The following MCU variants were observed in gnomAD, a reference collection of about 807,000 sequenced individuals.
MCU encodes calcium uniporter protein, mitochondrial.
Under a neutral mutation model 45.2 loss-of-function variants are expected in MCU, and 12 were observed. The observed-to-expected ratio is 0.27, with a 90% CI of 0.17 to 0.43. MCU has a LOEUF of 0.43. MCU is among the 20% of genes least tolerant of loss of function. The pLI is 1.00. For synonymous variants in MCU, 160 were observed against 165.1 expected (o/e 0.97, Z 0.24); for missense variants, 324 against 436.7 (o/e 0.74, Z 2.30).
At chr10:72,734,648 C>CT (rs1843226739) in intron 1 of MCU, among the ~76,000 whole-genome samples, 1 of 152,146 alleles carries the variant, frequency 6.6e-6, no homozygotes, top group Non-Finnish European at 1.5e-5. Flanking sequence ...CAGGGTCACT[C>CT]TGTCACCCAG....
At chr10:72,765,880 T>C (rs1843719589) in intron 1 of MCU, among the ~76,000 whole-genome samples, 1 of 152,094 alleles carries the variant, frequency 6.6e-6, no homozygotes, top group African/African-American at 2.4e-5. Flanking sequence ...TTTCTTTTTT[T>C]TGAGTCAGAA....
intron 1 of MCU, among the ~76,000 whole-genome samples, chr10:72,797,444 T>G (rs2132773728): frequency 6.6e-6 from 1 of 151,874 alleles, no homozygotes; most frequent in Non-Finnish European, 1.5e-5. Context: ...CAGACTGGTC[T>G]CGAACTCCTG....
intron 1 of MCU, among the ~76,000 whole-genome samples, chr10:72,805,219 CCT>C (rs1427185081): frequency 5.9e-4 from 83 of 140,982 alleles, no homozygotes; most frequent in African/African-American, 2.3e-3. Flanking sequence ...CCTTTCCTTT[CCT>C]TTCCTTTTTC....
rs766035793 is a variant in MCU at position 72,859,314 on chromosome 10, C to A, written c.358C>A (p.Arg120=). ...TTTACGACAACTGCAAGAAGAGGAT[C>A]GGGGAATTGACAGAGTTGCTATCTA... ...VFLRQLQEED[R]GIDRVAIYSP... The change falls in exon 3 of 8, where the codon CGG becomes AGG. Residue 120 remains arginine, a synonymous_variant. Coordinates refer to ENST00000373053, the MANE Select transcript of MCU (RefSeq NM_138357.3). The A allele has an allele frequency of 3.1e-6, 5 of 1,613,340 alleles. No individual in the cohort carries two copies. The highest frequency in any genetic ancestry group is 4.2e-6 in the Non-Finnish European group (5 of 1,179,716).
At chr10:72,751,341 CTTTTTTTTTTTTTT>C (rs71021528) in intron 1 of MCU, among the ~76,000 whole-genome samples, 8 of 44,752 alleles carry the variant, frequency 1.8e-4, no homozygotes, top group East Asian at 5.8e-4. Flanking sequence ...TCTTCTTCTT[CTTTTTTTTTTTTTT>C]TTTTTTTTTT....
At position 72,864,430 on chromosome 10, in the gene MCU, G is replaced by A. The variant is rs536483036; in HGVS notation, c.496+3903G>A. ...CCGTAGACTGAGGTCTGCAGCTACA[G>A]TTGCCCATCATTTTAGACAGATGAT... On this transcript the variant is annotated intron_variant, in intron 4 of 7. Transcript: ENST00000373053. 3.3e-4 allele frequency among the ~76,000 whole-genome samples: 51 copies of A among 152,326 alleles called. No homozygotes were observed. The South Asian group carries it at 9.7e-3, about 29-fold the overall frequency.
intron 1 of MCU, among the ~76,000 whole-genome samples, chr10:72,761,557 T>C (rs943183169): frequency 6.6e-6 from 1 of 152,208 alleles, no homozygotes; most frequent in African/African-American, 2.4e-5. Flanking sequence ...TTGCAAGTTC[T>C]TTCTCAACTG....
intron 6 of MCU, among the ~76,000 whole-genome samples, chr10:72,878,224 C>T (rs1048271094): frequency 2.0e-4 from 30 of 149,912 alleles, no homozygotes; most frequent in Admixed American, 1.4e-3. Flanking sequence ...GCTCAAGCAG[C>T]CCTCCCTCTT....
intron 1 of MCU, among the ~76,000 whole-genome samples, chr10:72,695,026 A>G (rs769040872): frequency 2.0e-5 from 3 of 152,182 alleles, no homozygotes; most frequent in Admixed American, 1.3e-4. Context: ...GACTGTAACC[A>G]AAACTGATGT....
chr10:72,751,952 G>A (rs1843506157), intron 1 of MCU, among the ~76,000 whole-genome samples: 1 of 151,550 alleles, frequency 6.6e-6, no homozygotes, highest in Admixed American at 6.6e-5. Flanking sequence ...TGATTCTACT[G>A]CCTCAGCATC....
At chr10:72,833,798 T>G (rs1036032371) in intron 1 of MCU, among the ~76,000 whole-genome samples, 9 of 152,150 alleles carry the variant, frequency 5.9e-5, no homozygotes, top group Non-Finnish European at 1.0e-4. Context: ...TGTGAGTGAT[T>G]TTTTCTAACA....
intron 1 of MCU, among the ~76,000 whole-genome samples, chr10:72,795,854 C>T (rs1375821760): frequency 3.3e-5 from 5 of 151,968 alleles, no homozygotes; most frequent in African/African-American, 9.7e-5. Flanking sequence ...AAAAATTAGC[C>T]GGGTGTGGTG....
At chr10:72,705,543 CT>C (rs1200552257) in intron 1 of MCU, among the ~76,000 whole-genome samples, 1 of 151,902 alleles carries the variant, frequency 6.6e-6, no homozygotes, top group Non-Finnish European at 1.5e-5. Context: ...AAAGACTGGG[CT>C]CAGTGGCTCA....
chr10:72,722,617 A>T (rs1294090341), intron 1 of MCU, among the ~76,000 whole-genome samples: 2 of 151,670 alleles, frequency 1.3e-5, no homozygotes, highest in Non-Finnish European at 2.9e-5. Flanking sequence ...TTAAAAATTA[A>T]TTTTTCAGGG....
chr10:72,800,214 A>G (rs746543145), intron 1 of MCU, among the ~76,000 whole-genome samples: 11 of 152,216 alleles, frequency 7.2e-5, no homozygotes, highest in Non-Finnish European at 1.3e-4. Flanking sequence ...AAACAACCAC[A>G]AATTGTCCAC....
intron 1 of MCU, among the ~76,000 whole-genome samples, chr10:72,733,948 G>T (rs1477691968): frequency 6.6e-6 from 1 of 151,926 alleles, no homozygotes; most frequent in East Asian, 1.9e-4. Flanking sequence ...ATTATAGTAG[G>T]AGTCTGTTAA....
chr10:72,699,506 C>T (rs922061147), intron 1 of MCU, among the ~76,000 whole-genome samples: 7 of 150,306 alleles, frequency 4.7e-5, no homozygotes, highest in Admixed American at 2.6e-4. Flanking sequence ...CACTCCGTCC[C>T]GGAAAAAGGG....
intron 1 of MCU, among the ~76,000 whole-genome samples, chr10:72,778,775 T>A (rs1785180039): frequency 6.6e-6 from 1 of 152,112 alleles, no homozygotes; most frequent in Admixed American, 6.5e-5. Flanking sequence ...AAAAAATCAC[T>A]ATCCTTACCA....
In MCU at chr10:72,742,965, A is replaced by G. The variant is rs564676271; in HGVS notation, c.150+50664A>G. Among the ~76,000 whole-genome samples the G allele has an allele frequency of 2.6e-5, 4 of 152,122 alleles. No individual in the cohort carries two copies. The South Asian group carries it at 8.3e-4, about 32-fold the overall frequency. ...GGGGGTTAACAAGTTTTGGTATCGA[A>G]TGGACATGTGAGAACATGTGAGAGT... On this transcript the variant is annotated intron_variant, in intron 1 of 7. Transcript: ENST00000373053.
Sources: gnomAD v4.1 joint callset for allele counts (sites outside exome capture counted in the v4.1 genomes callset) on GRCh38, gnomAD v4.1.1 for gene constraint, MANE v1.5 for transcripts, NCBI Gene and HGNC (gene_info 2026-07-23, HGNC 2026-07-21) for gene names.